The following EFCAB10 variants were observed in gnomAD, a reference collection of about 807,000 sequenced individuals.
EFCAB10 encodes EF-hand calcium binding domain 10.
EFCAB10 carries 7 observed loss-of-function variants against 7.7 expected under a neutral mutation model. The ratio of observed to expected loss-of-function variants is 0.91; its 90% confidence interval spans 0.52 to 1.72. The LOEUF (loss-of-function observed/expected upper bound fraction) is 1.72, where lower values mean the gene tolerates loss of function less well. Ranked by LOEUF, EFCAB10 falls within the 40% of genes most tolerant of loss-of-function variation. The pLI is 0.00. For synonymous variants in EFCAB10, 52 were observed against 21.0 expected (o/e 2.47, Z -4.03); for missense variants, 112 against 61.5 (o/e 1.82, Z -2.74).
chr7:105,568,822 G>A (rs1010074557), intron 3 of EFCAB10, among the ~76,000 whole-genome samples: 3 of 151,998 alleles, frequency 2.0e-5, no homozygotes, highest in Non-Finnish European at 2.9e-5. Flanking sequence ...GTGGTGATGC[G>A]CATCTGTAAG....
intron 4 of EFCAB10, chr7:105,565,705 C>T: frequency 1.7e-6 from 2 of 1,145,330 alleles, no homozygotes; most frequent in Non-Finnish European, 2.6e-6. Context: ...AGGAGGCTAA[C>T]TCCTTTTAAC....
intron 1 of EFCAB10, among the ~76,000 whole-genome samples, chr7:105,577,461 T>C (rs1792108593): frequency 6.6e-6 from 1 of 152,206 alleles, no homozygotes; most frequent in Non-Finnish European, 1.5e-5. Context: ...TACTGTGGAT[T>C]ATGAATTGAA....
Position 105,581,341 on chromosome 7 carries a change from G to C in EFCAB10, c.106+17C>G, listed in dbSNP as rs1366782804. The C allele has an allele frequency of 7.1e-6, 5 of 702,746 alleles. No homozygotes were observed. The Admixed American group carries it at 1.0e-4, about 14-fold the overall frequency. 43.5% of individuals were successfully genotyped at this position (702,746 alleles called of 1,614,324 possible). ...CCACATGGAGGTATGGCTGTACCGG[G>C]GCATGGGGGCCCTTACCCGGCCGAA... On this transcript the variant is annotated intron_variant, in intron 1 of 4. Transcript: ENST00000480514.
intron 1 of EFCAB10, among the ~76,000 whole-genome samples, chr7:105,576,107 A>G (rs932644949): frequency 6.6e-6 from 1 of 152,242 alleles, no homozygotes; most frequent in Non-Finnish European, 1.5e-5. Context: ...CTAAGCATCA[A>G]TCATACCTTG....
intron 1 of EFCAB10, among the ~76,000 whole-genome samples, chr7:105,578,056 C>T (rs1192210442): frequency 6.6e-6 from 1 of 152,130 alleles, no homozygotes; most frequent in Non-Finnish European, 1.5e-5. Flanking sequence ...GAGCCACCAT[C>T]CCAAGCCTGT....
chr7:105,575,263 G>A (rs1025789422), intron 1 of EFCAB10, among the ~76,000 whole-genome samples: 23 of 152,076 alleles, frequency 1.5e-4, no homozygotes, highest in Admixed American at 1.2e-3. Context: ...AGATTTGGGC[G>A]GGGATACAGC....
chr7:105,580,278 G>GC (rs1478106951), intron 1 of EFCAB10, among the ~76,000 whole-genome samples: 2 of 152,000 alleles, frequency 1.3e-5, no homozygotes, highest in Non-Finnish European at 2.9e-5. Flanking sequence ...GTGAGTCACC[G>GC]CCCCCAAGGA....
chr7:105,571,213 G>C (rs1791941656), intron 1 of EFCAB10: 1 of 152,112 alleles, frequency 6.6e-6, no homozygotes, highest in Non-Finnish European at 1.5e-5. Flanking sequence ...AATTGAAGAG[G>C]ACTGACAATT....
In EFCAB10 at chr7:105,569,154, A is replaced by AT. The variant is rs1179943280; in HGVS notation, c.359+48_359+49insA. 29 of 697,000 alleles carry AT rather than the reference A, an allele frequency of 4.2e-5. No individual in the cohort carries two copies. In the Admixed American group the frequency reaches 5.3e-4, roughly 13 times the overall value. The allele number at this position is 697,000 out of a possible 1,614,324, so 43.2% of individuals were successfully genotyped here. A position where few individuals can be genotyped will look rare whatever the true frequency, so the allele number is the denominator to read the frequency against. On this transcript the variant is annotated intron_variant, in intron 3 of 4. Transcript: ENST00000480514. The stretch of plus-strand genomic sequence containing the variant: ...GTTTTAAAGGTATTAATTGTGCTTC[A>AT]AAATCATGCCACCTTATTAAAATAT...
intron 1 of EFCAB10, among the ~76,000 whole-genome samples, chr7:105,570,760 C>T (rs1037423911): frequency 6.6e-6 from 1 of 152,122 alleles, no homozygotes; most frequent in Admixed American, 6.5e-5. Context: ...CACGGTGGCT[C>T]ACGCCTGTAA....
chr7:105,569,171 TTAAAA>T (rs1224190669), intron 3 of EFCAB10, 27 bp downstream of exon 3: 1 of 698,810 alleles, frequency 1.4e-6, no homozygotes, highest in Non-Finnish European at 2.6e-6. Context: ...TGCCACCTTA[TTAAAA>T]TATTTGTCAC....
intron 1 of EFCAB10, among the ~76,000 whole-genome samples, chr7:105,578,065 G>A (rs1288105813): frequency 6.6e-6 from 1 of 152,166 alleles, no homozygotes; most frequent in Non-Finnish European, 1.5e-5. Flanking sequence ...TCCCAAGCCT[G>A]TCTTTTTAAA....
chr7:105,579,308 T>C (rs1320502340), intron 1 of EFCAB10, among the ~76,000 whole-genome samples: 1 of 152,028 alleles, frequency 6.6e-6, no homozygotes, highest in African/African-American at 2.4e-5. Context: ...ATAACCACTG[T>C]GTAGCTATCA....
At chr7:105,581,181 A>G (rs183296625) in intron 1 of EFCAB10, among the ~76,000 whole-genome samples, 177 bp downstream of exon 1, 84 of 152,276 alleles carry the variant, frequency 5.5e-4, no homozygotes, top group Non-Finnish European at 9.7e-4. Context: ...GTGAAATGAG[A>G]TCACGCCATT....
At chr7:105,576,926 C>G (rs1272874803) in intron 1 of EFCAB10, among the ~76,000 whole-genome samples, 1 of 152,042 alleles carries the variant, frequency 6.6e-6, no homozygotes, top group Non-Finnish European at 1.5e-5. Context: ...TGGTGGTTTG[C>G]ACCTGTAATC....
At chr7:105,566,925 A>T (rs1234285772) in intron 4 of EFCAB10, 1 of 379,002 alleles carries the variant, frequency 2.6e-6, no homozygotes, top group Non-Finnish European at 4.6e-6. Context: ...ACCTTATAGT[A>T]ATCTAAAGAA....
In EFCAB10 at chr7:105,570,226, AAAAAAAAAAAAAAAATAT is replaced by A. The variant is rs1339122636; in HGVS notation, c.107-673_107-656del. Among the ~76,000 whole-genome samples the A allele has an allele frequency of 6.5e-3, 408 of 63,092 alleles. 3 individuals carry two copies. Among genetic ancestry groups the A allele is most frequent in the African/African-American group, 0.027 (389 of 14,428 alleles). 41.4% of individuals were successfully genotyped at this position (63,092 alleles called of 152,430 possible). On this transcript the variant is annotated intron_variant, in intron 1 of 4. Coordinates refer to ENST00000480514, the MANE Select transcript of EFCAB10 (RefSeq NM_001355526.2). ...AAGACTCTCTCAAAAAAAAAAAAAAAAAAAAAAAAAAAAAATATATATATATATATATATATATATATA... is the reference window on the plus strand; with the variant it reads ...AAGACTCTCTCAAAAAAAAAAAAAAAATATATATATATATATATATATATA...
chr7:105,576,272 C>T (rs545578982), intron 1 of EFCAB10, among the ~76,000 whole-genome samples: 3 of 152,234 alleles, frequency 2.0e-5, no homozygotes, highest in Admixed American at 2.0e-4. Flanking sequence ...TCTCCTCTGC[C>T]ATTAGGAGGA....
intron 1 of EFCAB10, among the ~76,000 whole-genome samples, chr7:105,579,740 G>C (rs950666423): frequency 2.6e-5 from 4 of 152,046 alleles, no homozygotes; most frequent in African/African-American, 4.8e-5. Flanking sequence ...CAGCAATATA[G>C]GCCTGTTATT....
Sources: allele counts gnomAD v4.1 joint callset (sites outside exome capture counted in the v4.1 genomes callset), GRCh38; gene constraint gnomAD v4.1.1; transcripts MANE v1.5; gene names NCBI Gene and HGNC (gene_info 2026-07-23, HGNC 2026-07-21).